SLC18A1: variants seen among roughly 807,000 people sequenced by gnomAD.
The protein encoded by SLC18A1 is chromaffin granule amine transporter.
Under a neutral mutation model 53.7 loss-of-function variants are expected in SLC18A1, and 69 were observed. The observed-to-expected ratio is 1.28, with a 90% CI of 1.06 to 1.57. The LOEUF is 1.57. SLC18A1 is among the 40% of genes most tolerant of loss of function. The pLI is 0.00. For synonymous variants in SLC18A1, 320 were observed against 248.1 expected (o/e 1.29, Z -2.72); for missense variants, 932 against 668.1 (o/e 1.40, Z -4.35).
intron 10 of SLC18A1, among the ~76,000 whole-genome samples, chr8:20,162,093 G>C (rs568859769): frequency 5.6e-4 from 85 of 152,270 alleles, no homozygotes; most frequent in South Asian, 4.8e-3. Context: ...CCACATCTGG[G>C]CCCACTTGAG....
chr8:20,155,271 T>A (rs1253219796), intron 10 of SLC18A1, among the ~76,000 whole-genome samples: 1 of 152,190 alleles, frequency 6.6e-6, no homozygotes, highest in Non-Finnish European at 1.5e-5. Context: ...TTGGATCACT[T>A]TTGCTTGCTA....
At chr8:20,171,001 A>T in intron 8 of SLC18A1, 102 bp downstream of exon 8, 1 of 1,130,108 alleles carries the variant, frequency 8.8e-7, no homozygotes, top group East Asian at 2.4e-5. Flanking sequence ...CGCTGACCCT[A>T]TTCCTCTTCA....
At chr8:20,147,914 C>A in intron 13 of SLC18A1, 93 bp downstream of exon 13, 1 of 1,483,308 alleles carries the variant, frequency 6.7e-7, no homozygotes, top group Non-Finnish European at 9.3e-7. Context: ...TGCCTCTGCA[C>A]CTACCTCCTC....
chr8:20,157,131 G>A (rs1040873974), intron 10 of SLC18A1, among the ~76,000 whole-genome samples: 5 of 152,158 alleles, frequency 3.3e-5, no homozygotes, highest in African/African-American at 1.2e-4. Context: ...GACCATAGAG[G>A]ACACTCTAGG....
chr8:20,147,976 G>C, intron 13 of SLC18A1, 31 bp downstream of exon 13: 8 of 1,608,426 alleles, frequency 5.0e-6, no homozygotes, highest in Non-Finnish European at 6.0e-6. Flanking sequence ...ACATGCAGGG[G>C]CTTATTGTTT....
intron 4 of SLC18A1, among the ~76,000 whole-genome samples, chr8:20,177,611 A>C (rs2072283190): frequency 1.3e-5 from 2 of 152,236 alleles, no homozygotes; most frequent in Non-Finnish European, 2.9e-5. Context: ...CACGTTGTGC[A>C]CGTGTACCCT....
In SLC18A1 at chr8:20,180,972, G is replaced by A. The variant is rs548898199; in HGVS notation, c.-8C>T. On this transcript the variant is annotated 5_prime_UTR_variant, in exon 2 of 16. Transcript: ENST00000276373. ...CAGAATGGTCCGGAGCATGGTGATGGCCGGACTGGGGCAGTCTTCCCCTGC... is the reference window on the plus strand; with the variant it reads ...CAGAATGGTCCGGAGCATGGTGATGACCGGACTGGGGCAGTCTTCCCCTGC... 1.3e-5 allele frequency: 20 copies of A among 1,553,798 alleles called. No individual in the cohort carries two copies. Among genetic ancestry groups the A allele is most frequent in the African/African-American group, 2.7e-5 (2 of 73,298 alleles).
At position 20,171,123 on chromosome 8, in the gene SLC18A1, G is replaced by C. The variant is rs778503244; in HGVS notation, c.838C>G (p.Pro280Ala). The C allele has an allele frequency of 1.9e-6, 3 of 1,614,028 alleles. No homozygotes were observed. The African/African-American group carries it at 4.0e-5, about 22-fold the overall frequency. Reference sequence around the variant, plus strand: ...CTTACCTCAGGAGAGACTTTGGAAGGCTGTAGGATGCAAAGCTGGAGTGCT... The same window carrying C: ...CTTACCTCAGGAGAGACTTTGGAAGCCTGTAGGATGCAAAGCTGGAGTGCT... ...DGALQLCILQ[P>A]SKVSPESAKG... The change falls in exon 8 of 16, where the codon CCT becomes GCT. Residue 280 changes from proline to alanine, a missense_variant. Physicochemically the swap from Pro to Ala is conservative, Grantham distance 27. Coordinates refer to ENST00000276373, the MANE Select transcript of SLC18A1 (RefSeq NM_003053.4).
intron 4 of SLC18A1, among the ~76,000 whole-genome samples, chr8:20,174,865 C>G (rs891443757): frequency 3.3e-5 from 5 of 152,210 alleles, no homozygotes; most frequent in Non-Finnish European, 5.9e-5. Context: ...ACAGGATCAT[C>G]TGGAGTACAG....
At position 20,147,385 on chromosome 8, in the gene SLC18A1, G is replaced by A. The variant is rs2071428436; in HGVS notation, c.1337C>T (p.Ser446Phe). ...GGCCTTTACAATGGCACCACCGGTGGATGGACCTGGGAGGGATACATCAAA... is the reference window on the plus strand; with the variant it reads ...GGCCTTTACAATGGCACCACCGGTGAATGGACCTGGGAGGGATACATCAAA... ...AFCMGFAIGP[S>F]TGGAIVKAIG... The change falls in exon 15 of 16, where the codon TCC (serine) becomes TTC (phenylalanine). Residue 446 changes from serine (S) to phenylalanine (F), a missense_variant. Physicochemically the swap from Ser to Phe is radical, Grantham distance 155. Transcript: ENST00000276373. 1 of 1,608,754 alleles carries A rather than the reference G, an allele frequency of 6.2e-7. No individual in the cohort carries two copies. The highest frequency in any genetic ancestry group is 8.5e-7 in the Non-Finnish European group (1 of 1,178,012).
chr8:20,148,269 T>C (rs1291473975), intron 12 of SLC18A1, 199 bp from the exon 13 acceptor site: 2 of 614,142 alleles, frequency 3.3e-6, no homozygotes, highest in Non-Finnish European at 5.6e-6. Flanking sequence ...CCAGCGCTGT[T>C]GTGTTTATTT....
chr8:20,174,537 A>G, intron 4 of SLC18A1, 93 bp from the exon 5 acceptor site: 1 of 770,296 alleles, frequency 1.3e-6, no homozygotes, highest in Non-Finnish European at 2.3e-6. Flanking sequence ...TGCAGATATG[A>G]GTCTTGATGC....
At chr8:20,175,344 A>C (rs372406122) in intron 4 of SLC18A1, 13 of 152,354 alleles carry the variant, frequency 8.5e-5, no homozygotes, top group Admixed American at 2.0e-4. Flanking sequence ...GTCGACATAC[A>C]TCCTCAGTTT....
chr8:20,167,091 G>A (rs1207794219), intron 8 of SLC18A1, among the ~76,000 whole-genome samples: 1 of 147,894 alleles, frequency 6.8e-6, no homozygotes, highest in Non-Finnish European at 1.5e-5. Context: ...AACAGACTAA[G>A]ATAATTAGCC....
chr8:20,148,076 T>C lies in SLC18A1; in HGVS notation c.1147-6A>G. The C allele has an allele frequency of 6.2e-7, 1 of 1,613,804 alleles. No homozygotes were observed. The highest frequency in any genetic ancestry group is 8.5e-7 in the Non-Finnish European group (1 of 1,179,836). ...ATATTGTGAGCCAGAGGAACCTGCA[T>C]GGGGAAGGAGGAAGAGTCATCAGGA... On this transcript the variant is annotated splice_region_variant and splice_polypyrimidine_tract_variant and intron_variant, in intron 12 of 15. Coordinates refer to ENST00000276373, the MANE Select transcript of SLC18A1 (RefSeq NM_003053.4).
intron 10 of SLC18A1, among the ~76,000 whole-genome samples, chr8:20,155,555 A>C (rs576171280): frequency 6.6e-6 from 1 of 152,194 alleles, no homozygotes; most frequent in African/African-American, 2.4e-5. Context: ...ATCATGATGC[A>C]ACCAGAAGTC....
intron 8 of SLC18A1, among the ~76,000 whole-genome samples, chr8:20,167,645 G>C (rs1279703140): frequency 6.6e-6 from 1 of 151,862 alleles, no homozygotes; most frequent in Non-Finnish European, 1.5e-5. Flanking sequence ...TTTTGAGACA[G>C]AGTCTTGCTC....
At chr8:20,176,004 CA>C (rs2072242393) in intron 4 of SLC18A1, 2 of 152,122 alleles carry the variant, frequency 1.3e-5, no homozygotes. Context: ...AACTGAAACT[CA>C]AAATACCCCA....
rs745971332 is a variant in SLC18A1, at chr8:20,147,562, G to A, written c.1330+41C>T. 5 of 1,612,340 alleles carry A rather than the reference G, an allele frequency of 3.1e-6. No individual in the cohort carries two copies. The Admixed American group carries it at 8.3e-5, about 27-fold the overall frequency. On this transcript the variant is annotated intron_variant, in intron 14 of 15. Coordinates refer to ENST00000276373, the MANE Select transcript of SLC18A1 (RefSeq NM_003053.4). ...TGGCTGCACTTCCAGCTGGTAAAGA[G>A]TAGACAGGGGAAAGTGGGGCACCAG...
Sources: gnomAD v4.1 joint callset for allele counts (sites outside exome capture counted in the v4.1 genomes callset) on GRCh38, gnomAD v4.1.1 for gene constraint, MANE v1.5 for transcripts, NCBI Gene and HGNC (gene_info 2026-07-23, HGNC 2026-07-21) for gene names.